Variants in KCNG2 observed in about 807,000 individuals in gnomAD.
KCNG2 encodes potassium voltage-gated channel modifier subfamily G member 2, also known as voltage-gated potassium channel regulatory subunit KCNG2.
KCNG2 carries 7 observed loss-of-function variants against 12.3 expected under a neutral mutation model. The observed-to-expected ratio is 0.57, with a 90% CI of 0.32 to 1.07. The LOEUF (loss-of-function observed/expected upper bound fraction) is 1.07, where lower values mean the gene tolerates loss of function less well. KCNG2 is among the 50% of genes least tolerant of loss of function. KCNG2 has a pLI of 0.04. For synonymous variants in KCNG2, 414 were observed against 351.4 expected, an observed-to-expected ratio of 1.18 and a Z score of -1.99; for missense variants, 703 against 726.0, an observed-to-expected ratio of 0.97 and a Z score of 0.36.
intron 3 of KCNG2, among the ~76,000 whole-genome samples, chr18:79,869,919 T>C (rs1400283622): frequency 6.6e-6 from 1 of 152,246 alleles, no homozygotes; most frequent in African/African-American, 2.4e-5. Flanking sequence ...GTGGCATGGA[T>C]GTTTTAATCC....
chr18:79,828,209 G>A (rs867699165), intron 1 of KCNG2, among the ~76,000 whole-genome samples: 5 of 152,342 alleles, frequency 3.3e-5, no homozygotes, highest in Middle Eastern at 3.4e-3. Flanking sequence ...ACAGGCATGA[G>A]CCACTGCACC....
rs978010735 is a variant in KCNG2, at chr18:79,822,120, C to T, written c.-115+24106C>T. 1.1e-4 allele frequency among the ~76,000 whole-genome samples: 17 copies of T among 152,102 alleles called. No individual in the cohort carries two copies. The highest frequency in any genetic ancestry group is 3.2e-3 in the Middle Eastern group (1 of 316). On this transcript the variant is annotated intron_variant, in intron 1 of 3. Coordinates refer to ENST00000316249, the MANE Select transcript of KCNG2 (RefSeq NM_012283.2). The surrounding 1 kb of genome is among the most constrained non-coding windows in gnomAD (Gnocchi z 4.4). ...CTCAAGGTGCCTTTTGTACCATTGT[C>T]CTGGGGTTTAAGCAGGAAATGTTAG... is the stretch of plus-strand genomic sequence containing the variant.
intron 1 of KCNG2, among the ~76,000 whole-genome samples, chr18:79,834,439 C>T (rs1266303638): frequency 6.6e-6 from 1 of 152,204 alleles, no homozygotes; most frequent in Non-Finnish European, 1.5e-5. Flanking sequence ...CTCACCCACA[C>T]TTTGTTGGGG....
At position 79,863,984 on chromosome 18, in the gene KCNG2, C is replaced by A. The variant is rs764813108; in HGVS notation, c.317C>A (p.Ala106Asp). Residue 106 changes from alanine (A) to aspartate (D), a missense_variant, in exon 3 of 4, where the codon GCC becomes GAC. Coordinates refer to ENST00000316249, the MANE Select transcript of KCNG2 (RefSeq NM_012283.2). ...GCGCTGGCCTTCCGCGACGAGCTGG[C>A]CTACTGGGGCATCGACGAGGCGCGC... Reference protein sequence around the residue: ...PCALAFRDELAYWGIDEARLE... With the variant: ...PCALAFRDELDYWGIDEARLE... 101 of 1,231,290 alleles carry A rather than the reference C, an allele frequency of 8.2e-5. No individual in the cohort carries two copies. The highest frequency in any genetic ancestry group is 1.0e-4 in the Non-Finnish European group (99 of 980,782). 76.3% of individuals were successfully genotyped at this position (1,231,290 alleles called of 1,614,324 possible). A position where few individuals can be genotyped will look rare whatever the true frequency, so the allele number is the denominator to read the frequency against.
chr18:79,854,272 G>A (rs1219214819), intron 1 of KCNG2, among the ~76,000 whole-genome samples: 1 of 152,260 alleles, frequency 6.6e-6, no homozygotes. Context: ...GGCAGCAGTG[G>A]CCGTGTGTGC....
chr18:79,844,284 G>C (rs1185383657), intron 1 of KCNG2, among the ~76,000 whole-genome samples: 1 of 152,072 alleles, frequency 6.6e-6, no homozygotes, highest in Non-Finnish European at 1.5e-5. Flanking sequence ...AGGATGTTAT[G>C]CTAAGTGAAA....
chr18:79,851,486 C>G (rs564532365), intron 1 of KCNG2, among the ~76,000 whole-genome samples: 21 of 152,118 alleles, frequency 1.4e-4, no homozygotes, highest in Non-Finnish European at 2.4e-4. Context: ...GGAGCGCCTC[C>G]GACACTCAGA....
rs1289077446 is a variant in KCNG2, at chr18:79,822,552, C to T, written c.-115+24538C>T. The stretch of plus-strand genomic sequence containing the variant: ...CCTCCAGGGCTCAAGCATCCTCCCA[C>T]GTCAGCCTCCCGAGTAGCTGGGGCC... On this transcript the variant is annotated intron_variant, in intron 1 of 3. Coordinates refer to ENST00000316249, the MANE Select transcript of KCNG2 (RefSeq NM_012283.2). This position sits in a 1 kb window ranked among gnomAD's most constrained non-coding sequence, Gnocchi z 4.4. Among the ~76,000 whole-genome samples, 16 of 152,280 alleles carry T rather than the reference C, an allele frequency of 1.1e-4. No individual in the cohort carries two copies. Among genetic ancestry groups the T allele is most frequent in the African/African-American group, 3.1e-4 (13 of 41,554 alleles).
intron 3 of KCNG2, among the ~76,000 whole-genome samples, chr18:79,871,872 C>T (rs1290736797): frequency 2.0e-5 from 3 of 152,206 alleles, no homozygotes; most frequent in Non-Finnish European, 4.4e-5. Flanking sequence ...TCTGCCACTG[C>T]GACATTGGCA....
At chr18:79,879,130 C>T (rs1980195455) in intron 3 of KCNG2, among the ~76,000 whole-genome samples, 2 of 152,228 alleles carry the variant, frequency 1.3e-5, no homozygotes, top group African/African-American at 4.8e-5. Context: ...ATAGACCCCT[C>T]CCTGCCTAGG....
At chr18:79,885,585 G>A (rs139079997) in intron 3 of KCNG2, among the ~76,000 whole-genome samples, 28 of 152,288 alleles carry the variant, frequency 1.8e-4, no homozygotes, top group South Asian at 1.2e-3. Flanking sequence ...CCCTATGCCC[G>A]GCCAGGGACA....
rs894808869 is a variant in KCNG2, at chr18:79,884,203, C to T, written c.625-14837C>T. Among the ~76,000 whole-genome samples, 1 of 152,130 alleles carries T rather than the reference C, an allele frequency of 6.6e-6. No individual in the cohort carries two copies. Among genetic ancestry groups the T allele is most frequent in the Non-Finnish European group, 1.5e-5 (1 of 68,000 alleles). On this transcript the variant is annotated intron_variant, in intron 3 of 3. Transcript: ENST00000316249. This position sits in a 1 kb window ranked among gnomAD's most constrained non-coding sequence, Gnocchi z 5.5. ...CACAGCACAGAAGCTGCAGGGGCTCCGTCCCCATGCCCCTCCCCATGCCCC... is the reference window on the plus strand; with the variant it reads ...CACAGCACAGAAGCTGCAGGGGCTCTGTCCCCATGCCCCTCCCCATGCCCC...
intron 1 of KCNG2, among the ~76,000 whole-genome samples, chr18:79,827,709 C>T (rs1296327005): frequency 6.6e-6 from 1 of 152,152 alleles, no homozygotes; most frequent in South Asian, 2.1e-4. Flanking sequence ...GCTTATTACC[C>T]GCCCACCCAG....
At chr18:79,868,125 G>A (rs1278684516) in intron 3 of KCNG2, among the ~76,000 whole-genome samples, 3 of 152,164 alleles carry the variant, frequency 2.0e-5, no homozygotes, top group Non-Finnish European at 2.9e-5. Flanking sequence ...TTTGTGTCAC[G>A]TTAGAGAATA....
intron 1 of KCNG2, among the ~76,000 whole-genome samples, chr18:79,853,883 C>G (rs1231407943): frequency 3.3e-5 from 5 of 152,228 alleles, no homozygotes; most frequent in Admixed American, 6.5e-5. Flanking sequence ...GTGCCTCGAC[C>G]CTGTGGGCCT....
chr18:79,828,413 TGCA>T (rs1292436224), intron 1 of KCNG2, among the ~76,000 whole-genome samples: 1 of 151,442 alleles, frequency 6.6e-6, no homozygotes, highest in African/African-American at 2.4e-5. Context: ...TATCAGTGTG[TGCA>T]TGTTTGGGTG....
chr18:79,819,930 T>C (rs942901505), intron 1 of KCNG2, among the ~76,000 whole-genome samples: 2 of 152,252 alleles, frequency 1.3e-5, no homozygotes, highest in Non-Finnish European at 2.9e-5. Context: ...AGGGATTTCA[T>C]GTAGGTGAAT....
At chr18:79,841,005 A>C (rs528081942) in intron 1 of KCNG2, among the ~76,000 whole-genome samples, 1 of 152,362 alleles carries the variant, frequency 6.6e-6, no homozygotes. Flanking sequence ...GTGGTGGCTG[A>C]TGCCAGTAAT....
intron 1 of KCNG2, among the ~76,000 whole-genome samples, chr18:79,813,904 A>C (rs1158166007): frequency 2.6e-5 from 4 of 152,246 alleles, no homozygotes; most frequent in Non-Finnish European, 5.9e-5. Context: ...AATCACCGGT[A>C]AACAAATATT....
Sources: allele counts gnomAD v4.1 joint callset (sites outside exome capture counted in the v4.1 genomes callset), GRCh38; gene constraint gnomAD v4.1.1; non-coding constraint Gnocchi (gnomAD v3.1); transcripts MANE v1.5; gene names NCBI Gene and HGNC (gene_info 2026-07-23, HGNC 2026-07-21).